The following LRRC27 variants were observed in gnomAD, a reference collection of about 807,000 sequenced individuals.
The protein encoded by LRRC27 is leucine-rich repeat-containing protein 27.
A neutral mutation model predicts 55.0 loss-of-function variants in LRRC27; 57 were observed. That is an observed-to-expected ratio of 1.04 (90% CI 0.84 to 1.29). LRRC27 has a LOEUF of 1.29. Ranked by LOEUF, LRRC27 falls within the 50% of genes most tolerant of loss-of-function variation. LRRC27 has a pLI of 0.00. For missense variants in LRRC27, 721 were observed against 651.5 expected (o/e 1.11, Z -1.16); for synonymous variants, 278 against 251.9 (o/e 1.10, Z -0.98).
intron 4 of LRRC27, 107 bp from the exon 5 acceptor site, chr10:132,344,391 G>A: frequency 8.2e-7 from 1 of 1,221,908 alleles, no homozygotes; most frequent in Non-Finnish European, 1.1e-6. Flanking sequence ...CCCAAATACT[G>A]AATAGAATCA....
Position 132,376,524 on chromosome 10 carries a change from G to C in LRRC27, c.*1282G>C, listed in dbSNP as rs1439458487. 1 of 152,326 alleles carries C rather than the reference G, an allele frequency of 6.6e-6. No homozygotes were observed. Among genetic ancestry groups the C allele is most frequent in the African/African-American group, 2.4e-5 (1 of 41,480 alleles). The allele number at this position is 152,326 out of a possible 1,614,324, so 9.4% of individuals were successfully genotyped here. A position where few individuals can be genotyped will look rare whatever the true frequency, so the allele number is the denominator to read the frequency against. ...TTGGAGCAGCTCAGCCGGCGTTGCT[G>C]GTCAGGGTCTCCCGTGAGGCTGGAG... On this transcript the variant is annotated 3_prime_UTR_variant, in exon 11 of 11. Coordinates refer to ENST00000368614, the MANE Select transcript of LRRC27 (RefSeq NM_030626.3).
intron 5 of LRRC27, among the ~76,000 whole-genome samples, chr10:132,345,754 C>T (rs780947749): frequency 1.3e-5 from 2 of 151,978 alleles, no homozygotes; most frequent in South Asian, 2.1e-4. Context: ...GGGGCAGAAC[C>T]GTCAGGCACA....
At chr10:132,331,987 G>C (rs2066787202), upstream of LRRC27, 2 of 433,864 alleles carry the variant, frequency 4.6e-6, no homozygotes, top group African/African-American at 4.7e-5. Flanking sequence ...CCGGGCAGGC[G>C]CACCACACCC....
chr10:132,348,331 C>T lies in LRRC27; in HGVS notation c.901C>T (p.Leu301=). 1 of 1,611,894 alleles carries T rather than the reference C, an allele frequency of 6.2e-7. No homozygotes were observed. Among genetic ancestry groups the T allele is most frequent in the Non-Finnish European group, 8.5e-7 (1 of 1,178,334 alleles). Residue 301 remains leucine, a synonymous_variant, in exon 6 of 11, where the codon CTA becomes TTA. Transcript: ENST00000368614. This position sits in a 1 kb window ranked among gnomAD's most constrained non-coding sequence, Gnocchi z 4.2. ...LKAALNIEKE[L]PKPRHVFRRK... is the part of the protein sequence containing the mutation. ...GGCGGCCTTGAACATTGAGAAAGAA[C>T]TACCAAAGCCAAGACACGTTTTCAG...
chr10:132,367,037 C>T (rs1372663258), intron 10 of LRRC27: 2 of 1,105,322 alleles, frequency 1.8e-6, no homozygotes, highest in Non-Finnish European at 2.3e-6. Flanking sequence ...TCCTTGGACA[C>T]CCAAACCCTG....
chr10:132,331,139 C>T (rs2066698611), upstream of LRRC27, among the ~76,000 whole-genome samples: 3 of 134,912 alleles, frequency 2.2e-5, no homozygotes, highest in South Asian at 2.4e-4. Context: ...AGGCGGAGGT[C>T]GCAGTGGGCC....
rs1211556658 is a variant in LRRC27, at chr10:132,374,926, G to T, written c.1417-140G>T. The T allele has an allele frequency of 2.3e-6, 2 of 874,924 alleles. No homozygotes were observed. The highest frequency in any genetic ancestry group is 2.6e-5 in the East Asian group (1 of 38,332). The allele number at this position is 874,924 out of a possible 1,614,324, so 54.2% of individuals were successfully genotyped here. On this transcript the variant is annotated intron_variant, in intron 10 of 10. Coordinates refer to ENST00000368614, the MANE Select transcript of LRRC27 (RefSeq NM_030626.3). The surrounding 1 kb of genome is among the most constrained non-coding windows in gnomAD (Gnocchi z 4.4). ...GGGGGACCGCGCCGTGATGCGGCTT[G>T]CAGGGGCCCCGGGGCAGCGGGGCTG...
chr10:132,370,265 C>T (rs758187201), intron 10 of LRRC27, among the ~76,000 whole-genome samples: 3 of 152,196 alleles, frequency 2.0e-5, no homozygotes, highest in Non-Finnish European at 2.9e-5. Context: ...TTCACGTCAC[C>T]AGCACCGGCT....
At position 132,364,379 on chromosome 10, in the gene LRRC27, A is replaced by ACACCCG. The variant is rs1564852944; in HGVS notation, c.1290-1042_1290-1041insCCGCAC. Among the ~76,000 whole-genome samples, 14 of 46,720 alleles carry ACACCCG rather than the reference A, an allele frequency of 3.0e-4. 1 individual carries two copies. Among genetic ancestry groups the ACACCCG allele is most frequent in the African/African-American group, 1.3e-3 (14 of 11,088 alleles). 30.7% of individuals were successfully genotyped at this position (46,720 alleles called of 152,430 possible). A position where few individuals can be genotyped will look rare whatever the true frequency, so the allele number is the denominator to read the frequency against. ...TCCACACCCGCGCTTACACCCACCC[A>ACACCCG]CACTTACACCCACCCTTACATCTAC... On this transcript the variant is annotated intron_variant, in intron 9 of 10. Transcript: ENST00000368614.
At chr10:132,355,604 C>T (rs556877188) in intron 7 of LRRC27, among the ~76,000 whole-genome samples, 186 bp from the exon 8 acceptor site, 40 of 152,332 alleles carry the variant, frequency 2.6e-4, no homozygotes, top group African/African-American at 8.9e-4. Context: ...CCGGCATTCC[C>T]GGCTCTGCCC....
chr10:132,335,551 C>A (rs985528608), intron 2 of LRRC27, among the ~76,000 whole-genome samples: 1 of 150,204 alleles, frequency 6.7e-6, no homozygotes, highest in African/African-American at 2.5e-5. Flanking sequence ...GTCCCTCCCC[C>A]AGATCCTCAT....
At position 132,355,815 on chromosome 10, in the gene LRRC27, A is replaced by G; in HGVS notation, c.1099A>G (p.Arg367Gly). Residue 367 changes from arginine (R) to glycine (G), a missense_variant, in exon 8 of 11, where the codon AGA becomes GGA. Arg to Gly is a moderately radical substitution (Grantham distance 125). Transcript: ENST00000368614. ...AGAGAAAAGGGCACTGCAGGAGTGG[A>G]GAGAGCGAGCCCAGAGGATGAGGAA... ...RREKRALQEW[R>G]ERAQRMRKRK... is the part of the protein sequence containing the mutation. 6.4e-7 allele frequency: 1 copy of G among 1,555,876 alleles called. No individual in the cohort carries two copies. The highest frequency in any genetic ancestry group is 8.7e-7 in the Non-Finnish European group (1 of 1,149,372).
intron 8 of LRRC27, among the ~76,000 whole-genome samples, chr10:132,357,844 C>T (rs1054183032): frequency 2.6e-5 from 4 of 152,212 alleles, no homozygotes; most frequent in African/African-American, 7.2e-5. Context: ...AGGCACAGGC[C>T]CTGCCCACGG....
Position 132,351,618 on chromosome 10 carries a change from C to G in LRRC27, c.938C>G (p.Ala313Gly). ...CTCTGTAATTTTAGAAGGAAGACAG[C>G]CTCCTCCAGGAGCATCTTACCCGAC... Reference protein sequence around the residue: ...KPRHVFRRKTASSRSILPDLL... With the variant: ...KPRHVFRRKTGSSRSILPDLL... The change falls in exon 7 of 11, where the codon GCC (alanine) becomes GGC (glycine). Residue 313 changes from alanine to glycine, a missense_variant. Ala to Gly is a moderately conservative substitution (Grantham distance 60). Transcript: ENST00000368614. 1 of 1,612,440 alleles carries G rather than the reference C, an allele frequency of 6.2e-7. No homozygotes were observed.
At chr10:132,331,828 C>G, upstream of LRRC27, 1 of 1,542,294 alleles carries the variant, frequency 6.5e-7, no homozygotes, top group Middle Eastern at 1.9e-4. Context: ...CCCTTCAAGG[C>G]CGCGGGCGCG....
chr10:132,353,007 C>T (rs754548261), intron 7 of LRRC27: 101 of 1,607,590 alleles, frequency 6.3e-5, no homozygotes, highest in East Asian at 4.3e-4. Context: ...CCGATGGACT[C>T]GGTGTCCTCA....
chr10:132,330,722 C>T (rs531502839), upstream of LRRC27, among the ~76,000 whole-genome samples: 8 of 145,402 alleles, frequency 5.5e-5, no homozygotes, highest in African/African-American at 2.0e-4. Flanking sequence ...GTTGCCCAGG[C>T]TGGTCTCCAA....
At chr10:132,357,338 A>G (rs2068354610) in intron 8 of LRRC27, among the ~76,000 whole-genome samples, 1 of 152,256 alleles carries the variant, frequency 6.6e-6, no homozygotes, top group African/African-American at 2.4e-5. Context: ...TGCCACTTCC[A>G]GGAATAAAAA....
Position 132,355,780 on chromosome 10 carries a change from C to T in LRRC27, c.1074-10C>T, listed in dbSNP as rs112131998. Reference sequence around the variant, plus strand: ...CTGTAACTTATGACATTAACCTTCCCTTTCTCCAGAGAGAAAAGGGCACTG... The same window carrying T: ...CTGTAACTTATGACATTAACCTTCCTTTTCTCCAGAGAGAAAAGGGCACTG... On this transcript the variant is annotated splice_polypyrimidine_tract_variant and intron_variant, in intron 7 of 10. Transcript: ENST00000368614. The T allele has an allele frequency of 6.7e-5, 104 of 1,543,460 alleles. 1 individual carries two copies. The African/African-American group carries it at 9.9e-4, about 15-fold the overall frequency.
Sources: allele counts gnomAD v4.1 joint callset (sites outside exome capture counted in the v4.1 genomes callset), GRCh38; gene constraint gnomAD v4.1.1; non-coding constraint Gnocchi (gnomAD v3.1); transcripts MANE v1.5; gene names NCBI Gene and HGNC (gene_info 2026-07-23, HGNC 2026-07-21).